SV2C: variants seen among roughly 807,000 people sequenced by gnomAD.
The protein encoded by SV2C is synaptic vesicle glycoprotein 2C, also known as solute carrier family 22 member B3.
In SV2C, 49 loss-of-function variants were observed where a neutral mutation model predicts 79.7. That is an observed-to-expected ratio of 0.61 (90% CI 0.49 to 0.78). The LOEUF is 0.78. SV2C is among the 30% of genes least tolerant of loss of function. SV2C has a pLI of 0.00. For synonymous variants in SV2C, 334 were observed against 333.2 expected, an observed-to-expected ratio of 1.00 and a Z score of -0.03; for missense variants, 833 against 912.9, an observed-to-expected ratio of 0.91 and a Z score of 1.13.
chr5:76,352,194 CAG>C (rs1749654875), intron 12 of SV2C, among the ~76,000 whole-genome samples: 2 of 152,090 alleles, frequency 1.3e-5, no homozygotes, highest in East Asian at 1.9e-4. Flanking sequence ...GCCTGGGCGA[CAG>C]AGTGAGACTC....
At chr5:76,198,500 C>T (rs1481245084) in intron 3 of SV2C, among the ~76,000 whole-genome samples, 1 of 152,174 alleles carries the variant, frequency 6.6e-6, no homozygotes, top group Non-Finnish European at 1.5e-5. Context: ...TTCCAGCCAA[C>T]AGAACCATGG....
the SV2C span, among the ~76,000 whole-genome samples, chr5:76,016,031 G>A: frequency 1.3e-3 from 202 of 151,986 alleles, 2 homozygotes; most frequent in Non-Finnish European, 7.9e-4. Context: ...AAAAGTCCAT[G>A]AATTCTCTGA....
At chr5:76,133,024 A>G (rs572745973) in intron 2 of SV2C, among the ~76,000 whole-genome samples, 1 of 152,218 alleles carries the variant, frequency 6.6e-6, no homozygotes, top group South Asian at 2.1e-4. Flanking sequence ...TAAAATATCT[A>G]TACAGCAGAT....
At chr5:76,144,524 G>A (rs777059303) in intron 2 of SV2C, among the ~76,000 whole-genome samples, 1 of 152,142 alleles carries the variant, frequency 6.6e-6, no homozygotes, top group Non-Finnish European at 1.5e-5. Context: ...GCTCCTTTAC[G>A]TAATTAATCC....
At chr5:76,174,094 T>C (rs754436898) in intron 2 of SV2C, 33 of 1,585,274 alleles carry the variant, frequency 2.1e-5, no homozygotes, top group Non-Finnish European at 2.9e-5. Context: ...GATCGTATTT[T>C]TCTACAAAAA....
the SV2C span, among the ~76,000 whole-genome samples, chr5:75,861,013 G>A: frequency 6.6e-6 from 1 of 152,092 alleles, no homozygotes; most frequent in South Asian, 2.1e-4. Context: ...CACTATTCTG[G>A]ACATTGGCCT....
chr5:76,171,702 AGG>A (rs1743270007), intron 2 of SV2C, among the ~76,000 whole-genome samples: 1 of 121,928 alleles, frequency 8.2e-6, no homozygotes, highest in East Asian at 3.2e-4. Flanking sequence ...GCCGTCCGGG[AGG>A]GAGGTGGGGG....
In SV2C at chr5:76,305,162, T is replaced by C. The variant is rs80007115; in HGVS notation, c.2000+3617T>C. On this transcript the variant is annotated intron_variant, in intron 12 of 12. Coordinates refer to ENST00000502798, the MANE Select transcript of SV2C (RefSeq NM_014979.4). ...GTACCAAGGGCACAGTGCTAAACCA[T>C]TCATGAGAAATCTGCCCCCATAATT... Among the ~76,000 whole-genome samples the C allele has an allele frequency of 9.6e-3, 1,465 of 152,234 alleles. 25 individuals carry two copies. Among genetic ancestry groups the C allele is most frequent in the African/African-American group, 0.033 (1,388 of 41,534 alleles).
At chr5:76,095,698 T>A (rs1012258354) in intron 1 of SV2C, among the ~76,000 whole-genome samples, 3 of 152,120 alleles carry the variant, frequency 2.0e-5, no homozygotes, top group Admixed American at 6.6e-5. Context: ...ATATACAAGT[T>A]TTTTAAACTC....
At chr5:75,887,257 G>A in the SV2C span, among the ~76,000 whole-genome samples, 3 of 151,824 alleles carry the variant, frequency 2.0e-5, no homozygotes, top group South Asian at 2.1e-4. Context: ...TCAAGCATAC[G>A]ATACATTGTT....
chr5:75,956,685 C>A, the SV2C span, among the ~76,000 whole-genome samples: 1 of 151,988 alleles, frequency 6.6e-6, no homozygotes, highest in African/African-American at 2.4e-5. Flanking sequence ...GTATACTACA[C>A]CAAAGTCAGG....
chr5:76,294,278 C>T (rs1023118700), intron 8 of SV2C, among the ~76,000 whole-genome samples: 5 of 149,704 alleles, frequency 3.3e-5, no homozygotes, highest in South Asian at 4.2e-4. Context: ...TTTAATACTA[C>T]ATTTTGTTTC....
chr5:76,255,914 C>G (rs10035663), intron 4 of SV2C, among the ~76,000 whole-genome samples: 20,850 of 152,214 alleles, frequency 0.14, 1,763 homozygotes, highest in African/African-American at 0.23. Flanking sequence ...CAGATTCTTA[C>G]AATCTCCATA....
rs957115407 is a variant in SV2C at position 76,210,863 on chromosome 5, G to A, written c.913+976G>A. 3.3e-5 allele frequency among the ~76,000 whole-genome samples: 5 copies of A among 152,158 alleles called. No homozygotes were observed. In the East Asian group the frequency reaches 5.8e-4, roughly 18 times the overall value. ...AGTGTCAGGAACCATGAATGACGAC[G>A]AACACATATGTTTCTTATTATAATC... On this transcript the variant is annotated intron_variant, in intron 4 of 12. Transcript: ENST00000502798.
the SV2C span, among the ~76,000 whole-genome samples, chr5:75,999,765 G>A: frequency 6.6e-6 from 1 of 152,048 alleles, no homozygotes; most frequent in Non-Finnish European, 1.5e-5. Context: ...AGTTCTGGAG[G>A]CTGGGAAGTC....
chr5:76,242,418 G>T, intron 4 of SV2C: 1 of 651,282 alleles, frequency 1.5e-6, no homozygotes, highest in South Asian at 1.5e-5. Flanking sequence ...TCAATCTCTT[G>T]ACCTCATGAT....
chr5:76,225,978 G>A (rs1745224551), intron 4 of SV2C, among the ~76,000 whole-genome samples: 1 of 152,184 alleles, frequency 6.6e-6, no homozygotes, highest in Non-Finnish European at 1.5e-5. Context: ...TCTCTGGTCT[G>A]GGGTAAGAGC....
the SV2C span, among the ~76,000 whole-genome samples, chr5:75,955,015 G>A: frequency 2.9e-4 from 41 of 142,722 alleles, no homozygotes; most frequent in Non-Finnish European, 4.0e-4. Flanking sequence ...AGCTACCAAT[G>A]ACTTTCTTCA....
chr5:75,865,924 T>C, the SV2C span, among the ~76,000 whole-genome samples: 1 of 152,170 alleles, frequency 6.6e-6, no homozygotes, highest in African/African-American at 2.4e-5. Context: ...GAGACAGAGA[T>C]GGAGCCTGCA....
Sources: gnomAD v4.1 joint callset for allele counts (sites outside exome capture counted in the v4.1 genomes callset) on GRCh38, gnomAD v4.1.1 for gene constraint, MANE v1.5 for transcripts, NCBI Gene and HGNC (gene_info 2026-07-23, HGNC 2026-07-21) for gene names.